The following AUTS2 variants were observed in gnomAD, a reference collection of about 807,000 sequenced individuals.
AUTS2 encodes autism susceptibility gene 2 protein.
Under a neutral mutation model 112.4 loss-of-function variants are expected in AUTS2, and 17 were observed. The observed-to-expected ratio is 0.15, with a 90% CI of 0.10 to 0.23. The LOEUF (loss-of-function observed/expected upper bound fraction) is 0.23, where lower values mean the gene tolerates loss of function less well. AUTS2 is among the 10% of genes least tolerant of loss of function. AUTS2 has a pLI of 1.00. For synonymous variants in AUTS2, 751 were observed against 702.7 expected (o/e 1.07, Z -1.09); for missense variants, 1,510 against 1,701.6 (o/e 0.89, Z 1.98).
chr7:70,179,654 A>G (rs1192423073), intron 4 of AUTS2, among the ~76,000 whole-genome samples: 1 of 152,218 alleles, frequency 6.6e-6, no homozygotes, highest in Non-Finnish European at 1.5e-5. Context: ...GGAGACAGAC[A>G]TTTAGCAAGA....
At chr7:70,558,485 C>CTGGTCCTGGTGCCT (rs1273760818) in intron 5 of AUTS2, among the ~76,000 whole-genome samples, 1 of 152,146 alleles carries the variant, frequency 6.6e-6, no homozygotes, top group Non-Finnish European at 1.5e-5. Flanking sequence ...GGAGCAGGCA[C>CTGGTCCTGGTGCCT]AGTGACTGGT....
chr7:69,738,686 T>G (rs1435204565), intron 1 of AUTS2, among the ~76,000 whole-genome samples: 1 of 152,088 alleles, frequency 6.6e-6, no homozygotes, highest in Non-Finnish European at 1.5e-5. Context: ...TGGAATCTAG[T>G]CTTTGCTTGC....
chr7:70,030,349 TGA>T (rs1800719244), intron 2 of AUTS2, among the ~76,000 whole-genome samples: 1 of 152,208 alleles, frequency 6.6e-6, no homozygotes, highest in Non-Finnish European at 1.5e-5. Flanking sequence ...TTGACAGGTG[TGA>T]GGTTTCTTTG....
At chr7:70,297,982 C>T (rs1054324293) in intron 4 of AUTS2, among the ~76,000 whole-genome samples, 1 of 152,018 alleles carries the variant, frequency 6.6e-6, no homozygotes, top group South Asian at 2.1e-4. Flanking sequence ...CTTAGAGCTT[C>T]CTATGCACCT....
At chr7:69,901,878 C>A (rs1048660224) in intron 2 of AUTS2, among the ~76,000 whole-genome samples, 2 of 152,136 alleles carry the variant, frequency 1.3e-5, no homozygotes, top group Admixed American at 1.3e-4. Flanking sequence ...AACAGCCCAT[C>A]TGGAAAATGA....
intron 4 of AUTS2, among the ~76,000 whole-genome samples, chr7:70,384,702 G>A (rs1242162704): frequency 2.0e-5 from 3 of 152,192 alleles, no homozygotes; most frequent in Admixed American, 6.5e-5. Context: ...GATAGACAAT[G>A]TCAGAGCCTC....
intron 1 of AUTS2, among the ~76,000 whole-genome samples, chr7:69,680,023 A>T (rs1247461213): frequency 1.3e-5 from 2 of 152,222 alleles, no homozygotes; most frequent in Non-Finnish European, 2.9e-5. Context: ...TTGTCTCTAC[A>T]TAGATACTAC....
At chr7:70,166,260 AATTT>A (rs1368012583) in intron 4 of AUTS2, among the ~76,000 whole-genome samples, 1 of 152,186 alleles carries the variant, frequency 6.6e-6, no homozygotes, top group African/African-American at 2.4e-5. Context: ...ATGAGCAAAT[AATTT>A]ATTTTAAGGG....
chr7:69,812,072 T>C (rs994114248), intron 1 of AUTS2, among the ~76,000 whole-genome samples: 49 of 152,108 alleles, frequency 3.2e-4, no homozygotes, highest in Admixed American at 2.0e-4. Context: ...GCAATAGTGG[T>C]TTTGAAAACA....
At chr7:69,735,694 G>A (rs187241649) in intron 1 of AUTS2, among the ~76,000 whole-genome samples, 1 of 152,268 alleles carries the variant, frequency 6.6e-6, no homozygotes, top group Admixed American at 6.5e-5. Flanking sequence ...CACAACTAGA[G>A]TATGGTGAGT....
chr7:70,173,847 C>T (rs1230467536), intron 4 of AUTS2, among the ~76,000 whole-genome samples: 2 of 152,018 alleles, frequency 1.3e-5, no homozygotes, highest in Non-Finnish European at 2.9e-5. Context: ...AGTGTGTGTT[C>T]TGTTTCACCA....
At chr7:70,606,251 C>G (rs1803752326) in intron 5 of AUTS2, among the ~76,000 whole-genome samples, 1 of 152,210 alleles carries the variant, frequency 6.6e-6, no homozygotes, top group African/African-American at 2.4e-5. Flanking sequence ...ATGAGGAATT[C>G]TACTTGAAGC....
At chr7:70,762,385 C>T (rs1333897081) in intron 6 of AUTS2, among the ~76,000 whole-genome samples, 1 of 151,862 alleles carries the variant, frequency 6.6e-6, no homozygotes, top group Non-Finnish European at 1.5e-5. Context: ...GATCCTTCTA[C>T]CTCAGCCTCC....
At chr7:69,766,357 A>G (rs1433915282) in intron 1 of AUTS2, among the ~76,000 whole-genome samples, 2 of 152,172 alleles carry the variant, frequency 1.3e-5, no homozygotes, top group Non-Finnish European at 2.9e-5. Flanking sequence ...TCCTCAGTCT[A>G]CATTTGGGTT....
intron 1 of AUTS2, among the ~76,000 whole-genome samples, chr7:69,825,207 C>T (rs1026599845): frequency 1.3e-5 from 2 of 152,168 alleles, no homozygotes; most frequent in African/African-American, 4.8e-5. Flanking sequence ...TTACTGCCAT[C>T]TGTCAGTATG....
At chr7:69,835,417 G>A (rs1486169789) in intron 1 of AUTS2, among the ~76,000 whole-genome samples, 2 of 152,136 alleles carry the variant, frequency 1.3e-5, no homozygotes, top group Non-Finnish European at 2.9e-5. Context: ...TCTTAACACA[G>A]TACTCTAGGG....
chr7:69,770,022 A>G (rs1788594295), intron 1 of AUTS2, among the ~76,000 whole-genome samples: 1 of 152,234 alleles, frequency 6.6e-6, no homozygotes, highest in Non-Finnish European at 1.5e-5. Context: ...ATTCAAGAGC[A>G]TAAACATGGT....
intron 3 of AUTS2, among the ~76,000 whole-genome samples, chr7:70,124,677 C>G (rs1421224979): frequency 6.6e-6 from 1 of 152,106 alleles, no homozygotes; most frequent in Non-Finnish European, 1.5e-5. Context: ...ATTCTTCTGC[C>G]TCAGTCCCCC....
At chr7:70,082,359 TTC>T (rs1803364072) in intron 2 of AUTS2, among the ~76,000 whole-genome samples, 1 of 152,180 alleles carries the variant, frequency 6.6e-6, no homozygotes, top group Non-Finnish European at 1.5e-5. Flanking sequence ...AGGAGAGCAT[TTC>T]TAATTCAAAG....
Sources: allele counts gnomAD v4.1 joint callset (sites outside exome capture counted in the v4.1 genomes callset), GRCh38; gene constraint gnomAD v4.1.1; transcripts MANE v1.5; gene names NCBI Gene and HGNC (gene_info 2026-07-23, HGNC 2026-07-21).